Variants in SGIP1 observed in about 807,000 individuals in gnomAD.
SGIP1 encodes SH3-containing GRB2-like protein 3-interacting protein 1.
A neutral mutation model predicts 107.5 loss-of-function variants in SGIP1; 38 were observed. That is an observed-to-expected ratio of 0.35 (90% CI 0.27 to 0.46). SGIP1 has a LOEUF of 0.46. SGIP1 is among the 20% of genes least tolerant of loss of function. The pLI is 1.00. For missense variants in SGIP1, 929 were observed against 1,019.5 expected (o/e 0.91, Z 1.21); for synonymous variants, 365 against 366.1 (o/e 1.00, Z 0.03).
Position 66,713,310 on chromosome 1 carries a change from T to C in SGIP1, c.1631-5984T>C, listed in dbSNP as rs547162237. On this transcript the variant is annotated intron_variant, in intron 18 of 24. Transcript: ENST00000371037. ...ATAGTGGTTGGTATGCAGTAAGAGATAGAAATTTTCATTGCTACTACAATT... is the reference window on the plus strand; with the variant it reads ...ATAGTGGTTGGTATGCAGTAAGAGACAGAAATTTTCATTGCTACTACAATT... Among the ~76,000 whole-genome samples the C allele has an allele frequency of 6.6e-5, 10 of 152,248 alleles. 1 individual carries two copies. The South Asian group carries it at 2.1e-3, about 32-fold the overall frequency.
At chr1:66,603,422 T>C (rs1057027941) in intron 1 of SGIP1, among the ~76,000 whole-genome samples, 1 of 152,150 alleles carries the variant, frequency 6.6e-6, no homozygotes, top group Non-Finnish European at 1.5e-5. Context: ...ATTTTAAAAA[T>C]GAGCAAACAA....
chr1:66,678,790 C>T (rs940314726), intron 13 of SGIP1, among the ~76,000 whole-genome samples: 15 of 152,244 alleles, frequency 9.9e-5, no homozygotes, highest in East Asian at 3.9e-4. Context: ...TACCAGCAAG[C>T]GCTCTCCAGC....
At chr1:66,591,889 C>T (rs770378534) in intron 1 of SGIP1, among the ~76,000 whole-genome samples, 1 of 152,142 alleles carries the variant, frequency 6.6e-6, no homozygotes, top group Non-Finnish European at 1.5e-5. Context: ...TCCATGGGCA[C>T]GTAGGCCAGA....
In SGIP1 at chr1:66,742,551, G is replaced by C. The variant is rs2094489164; in HGVS notation, c.2465-522G>C. On this transcript the variant is annotated intron_variant, in intron 24 of 24. Transcript: ENST00000371037. ...GTGGCGCTATCCCGGCTCACTGCAA[G>C]CTCCGCCTCTTGGGTTCATGCCATT... Among the ~76,000 whole-genome samples the C allele has an allele frequency of 3.1e-5, 4 of 128,008 alleles. No homozygotes were observed. In the South Asian group the frequency reaches 1.0e-3, roughly 34 times the overall value. The allele number at this position is 128,008 out of a possible 152,430, so 84.0% of individuals were successfully genotyped here.
At chr1:66,559,541 G>A (rs531987566) in intron 1 of SGIP1, among the ~76,000 whole-genome samples, 4 of 152,084 alleles carry the variant, frequency 2.6e-5, no homozygotes, top group African/African-American at 9.7e-5. Flanking sequence ...AGAGCAGAGG[G>A]AGTCAAAAGC....
chr1:66,739,570 C>G, intron 22 of SGIP1, 33 bp downstream of exon 22: 2 of 1,606,822 alleles, frequency 1.2e-6, no homozygotes, highest in East Asian at 4.5e-5. Context: ...CACCAAAGGG[C>G]TCCTCTGGGT....
intron 1 of SGIP1, among the ~76,000 whole-genome samples, chr1:66,606,186 T>G (rs1251574050): frequency 6.6e-6 from 1 of 152,216 alleles, no homozygotes; most frequent in African/African-American, 2.4e-5. Context: ...GGGTCTTACA[T>G]GAGTCAGTTA....
intron 20 of SGIP1, 63 bp downstream of exon 20, chr1:66,729,482 G>A: frequency 6.3e-7 from 1 of 1,591,480 alleles, no homozygotes; most frequent in Non-Finnish European, 8.6e-7. Flanking sequence ...GTACTTAGAT[G>A]AGGGATATAT....
intron 13 of SGIP1, among the ~76,000 whole-genome samples, chr1:66,679,134 T>TA (rs967330233): frequency 6.6e-6 from 1 of 152,204 alleles, no homozygotes; most frequent in Non-Finnish European, 1.5e-5. Flanking sequence ...CTTCTAACTT[T>TA]AAAAAATGTA....
chr1:66,703,433 C>T (rs985633057), intron 18 of SGIP1, among the ~76,000 whole-genome samples: 16 of 151,808 alleles, frequency 1.1e-4, no homozygotes, highest in Non-Finnish European at 2.4e-4. Flanking sequence ...TAAATGTTAA[C>T]CTAAGGTATG....
At chr1:66,652,739 A>G (rs901077948) in intron 7 of SGIP1, among the ~76,000 whole-genome samples, 2 of 151,428 alleles carry the variant, frequency 1.3e-5, no homozygotes, top group African/African-American at 2.4e-5. Context: ...TCAGCACCCC[A>G]TTGAGTTCAG....
intron 1 of SGIP1, among the ~76,000 whole-genome samples, chr1:66,596,509 G>A (rs750833509): frequency 2.0e-5 from 3 of 151,848 alleles, no homozygotes; most frequent in African/African-American, 4.8e-5. Flanking sequence ...GGAAAGGGTC[G>A]GTATATGTAA....
At chr1:66,708,376 C>T (rs1002339219) in intron 18 of SGIP1, among the ~76,000 whole-genome samples, 1 of 152,146 alleles carries the variant, frequency 6.6e-6, no homozygotes, top group Non-Finnish European at 1.5e-5. Context: ...CTTGATCAAA[C>T]TCTCACCACT....
intron 1 of SGIP1, among the ~76,000 whole-genome samples, chr1:66,606,479 G>A (rs981210331): frequency 1.3e-5 from 2 of 152,134 alleles, no homozygotes; most frequent in African/African-American, 4.8e-5. Flanking sequence ...CGGTGGCTGT[G>A]TAATAGGAAC....
rs146218237 is a variant in SGIP1, at chr1:66,661,961, C to A, written c.471+1437C>A. On this transcript the variant is annotated intron_variant, in intron 8 of 24. Transcript: ENST00000371037. ...ATGATACCTTGGTTACTAGCAGGTT[C>A]TTTGTTTCTCTTCCCAAATGAAGTT... Among the ~76,000 whole-genome samples the A allele has an allele frequency of 6.4e-3, 979 of 152,206 alleles. 15 individuals are homozygous for A. The highest frequency in any genetic ancestry group is 0.022 in the African/African-American group (922 of 41,528).
chr1:66,539,366 A>T (rs951369506), intron 1 of SGIP1, among the ~76,000 whole-genome samples: 2 of 152,208 alleles, frequency 1.3e-5, no homozygotes, highest in African/African-American at 4.8e-5. Context: ...CAAGCTTTCC[A>T]TGGGAGAGAG....
Position 66,733,546 on chromosome 1 carries a change from G to A in SGIP1, c.1899-202G>A, listed in dbSNP as rs186273714. 1.7e-4 allele frequency among the ~76,000 whole-genome samples: 26 copies of A among 152,224 alleles called. No individual in the cohort carries two copies. In the South Asian group the frequency reaches 3.3e-3, roughly 19 times the overall value. ...GATAGCAACACAGTAGCTCCTCCTC[G>A]TGGATATTAATCTACCAACACCATA... On this transcript the variant is annotated intron_variant, in intron 20 of 24. Coordinates refer to ENST00000371037, the MANE Select transcript of SGIP1 (RefSeq NM_032291.4).
At chr1:66,604,518 A>G (rs550949852) in intron 1 of SGIP1, among the ~76,000 whole-genome samples, 1 of 152,326 alleles carries the variant, frequency 6.6e-6, no homozygotes, top group South Asian at 2.1e-4. Flanking sequence ...GTAAACTTCA[A>G]TCTGAACCCT....
chr1:66,646,611 T>A (rs1386745827), intron 7 of SGIP1, among the ~76,000 whole-genome samples: 1 of 152,180 alleles, frequency 6.6e-6, no homozygotes, highest in East Asian at 1.9e-4. Context: ...ATAGTTTCGC[T>A]ATATATATTG....
Sources: allele counts gnomAD v4.1 joint callset (sites outside exome capture counted in the v4.1 genomes callset), GRCh38; gene constraint gnomAD v4.1.1; transcripts MANE v1.5; gene names NCBI Gene and HGNC (gene_info 2026-07-23, HGNC 2026-07-21).